WDFY4: variants seen among roughly 807,000 people sequenced by gnomAD.
The protein encoded by WDFY4 is WDFY family member 4.
Under a neutral mutation model 351.9 loss-of-function variants are expected in WDFY4, and 169 were observed. The ratio of observed to expected loss-of-function variants is 0.48; its 90% CI spans 0.42 to 0.55. The LOEUF is 0.55. WDFY4 is among the 20% of genes least tolerant of loss of function. The pLI is 0.00. For synonymous variants in WDFY4, 1,622 were observed against 1,574.6 expected (o/e 1.03, Z -0.71); for missense variants, 3,803 against 3,935.6 (o/e 0.97, Z 0.90).
chr10:48,942,959 C>T (rs1186529969), intron 48 of WDFY4, among the ~76,000 whole-genome samples: 4 of 152,208 alleles, frequency 2.6e-5, no homozygotes, highest in African/African-American at 7.2e-5. Flanking sequence ...GGCCCATCTG[C>T]TTATTTTCTA....
intron 56 of WDFY4, 142 bp downstream of exon 56, chr10:48,969,390 A>G: frequency 2.8e-6 from 3 of 1,084,228 alleles, no homozygotes; most frequent in Non-Finnish European, 3.9e-6. Context: ...TGGGCGGGAA[A>G]GGACTCAGTG....
intron 1 of WDFY4, among the ~76,000 whole-genome samples, chr10:48,693,009 C>A (rs2063236340): frequency 6.6e-6 from 1 of 152,010 alleles, no homozygotes; most frequent in African/African-American, 2.4e-5. Context: ...CATGTTTGGA[C>A]CGTGGTGCTG....
intron 12 of WDFY4, chr10:48,745,663 C>T (rs1283162961): frequency 8.7e-6 from 5 of 577,834 alleles, no homozygotes; most frequent in Non-Finnish European, 1.6e-5. Context: ...CTTCTCCTTC[C>T]TCTTCTCCTC....
At chr10:48,928,355 T>TG (rs1421322759) in intron 47 of WDFY4, among the ~76,000 whole-genome samples, 1 of 112,584 alleles carries the variant, frequency 8.9e-6, no homozygotes, top group Non-Finnish European at 1.8e-5. Context: ...GGTTTTGACG[T>TG]GTGTGTGTGT....
intron 57 of WDFY4, among the ~76,000 whole-genome samples, chr10:48,973,124 T>G (rs1489150549): frequency 6.6e-6 from 1 of 152,134 alleles, no homozygotes; most frequent in Admixed American, 6.5e-5. Context: ...GTTCCACTGG[T>G]AAACAACACG....
chr10:48,823,566 A>C, intron 35 of WDFY4: 4 of 1,069,712 alleles, frequency 3.7e-6, no homozygotes, highest in Non-Finnish European at 4.6e-6. Context: ...AAAGACTTGA[A>C]TTCAAAGGCT....
chr10:48,817,325 C>A lies in WDFY4; in HGVS notation c.5421C>A (p.Arg1807=). The A allele has an allele frequency of 6.4e-7, 1 of 1,551,692 alleles. No homozygotes were observed. The highest frequency in any genetic ancestry group is 8.7e-7 in the Non-Finnish European group (1 of 1,146,964). ...TGCAGTTCCTCAGCCTCGTCCACCGCACCTACCCCCAGGACCCAGCGTGGC... is the reference window on the plus strand; with the variant it reads ...TGCAGTTCCTCAGCCTCGTCCACCGAACCTACCCCCAGGACCCAGCGTGGC... ...SVLQFLSLVH[R]TYPQDPAWRA... Residue 1807 remains arginine (R), a synonymous_variant, in exon 32 of 62, where the codon CGC becomes CGA. Coordinates refer to ENST00000325239, the MANE Select transcript of WDFY4 (RefSeq NM_001394531.1).
At chr10:48,867,171 A>AAAAATAAATAAAATAAAATAAAAT (rs2069575689) in intron 39 of WDFY4, 94 bp from the exon 40 acceptor site, 1 of 347,594 alleles carries the variant, frequency 2.9e-6, no homozygotes, top group African/African-American at 2.7e-5. Flanking sequence ...CTGTGTCTCA[A>AAAAATAAATAAAATAAAATAAAAT]AAAATAAAAT....
intron 47 of WDFY4, among the ~76,000 whole-genome samples, chr10:48,922,564 C>T (rs897273685): frequency 1.5e-4 from 23 of 152,262 alleles, no homozygotes; most frequent in South Asian, 4.2e-4. Context: ...TCATCTCTTA[C>T]GGTGCCTAAC....
chr10:48,784,776 G>A (rs369207534), intron 19 of WDFY4, among the ~76,000 whole-genome samples: 37 of 149,328 alleles, frequency 2.5e-4, no homozygotes, highest in African/African-American at 7.9e-4. Context: ...TCCTGACCTC[G>A]TGATCTGCCC....
rs888152358 is a variant in WDFY4 at position 48,946,955 on chromosome 10, T to C, written c.7963T>C (p.Phe2655Leu). 13 of 1,550,614 alleles carry C rather than the reference T, an allele frequency of 8.4e-6. No individual in the cohort carries two copies. Among genetic ancestry groups the C allele is most frequent in the East Asian group, 2.4e-5 (1 of 40,898 alleles). Residue 2655 changes from phenylalanine (F) to leucine (L), a missense_variant, in exon 51 of 62, where the codon TTC becomes CTC. This residue lies in a region of WDFY4 where 3,054 missense variants were observed against 3,148.6 expected (regional missense o/e 0.97). Transcript: ENST00000325239. Reference sequence around the variant, plus strand: ...CCGGATGCCACCCTTCACCCAGGCCTTCTGCGCTCTGCAGGTGAGCTGCTG... The same window carrying C: ...CCGGATGCCACCCTTCACCCAGGCCCTCTGCGCTCTGCAGGTGAGCTGCTG... ...LVRMPPFTQA[F>L]CALQGGSFDV...
chr10:48,949,424 G>C (rs1420812416), intron 51 of WDFY4, among the ~76,000 whole-genome samples: 1 of 152,246 alleles, frequency 6.6e-6, no homozygotes, highest in East Asian at 1.9e-4. Flanking sequence ...TCCTCTTTGA[G>C]AGTGCTGGGG....
intron 23 of WDFY4, among the ~76,000 whole-genome samples, chr10:48,793,607 G>T (rs370788410): frequency 6.6e-6 from 1 of 152,036 alleles, no homozygotes; most frequent in Non-Finnish European, 1.5e-5. Context: ...GTGCATTTGC[G>T]TGATGTCTGC....
At chr10:48,799,604 C>G (rs1238577811) in intron 24 of WDFY4, among the ~76,000 whole-genome samples, 1 of 152,098 alleles carries the variant, frequency 6.6e-6, no homozygotes, top group African/African-American at 2.4e-5. Context: ...GAAACCCTGT[C>G]TCTACTAAAA....
rs916743760 is a variant in WDFY4 at position 48,731,122 on chromosome 10, A to G, written c.1142A>G (p.Lys381Arg). ...FHHEASGVTV[K>R]NLQAFQVLQN... is the part of the protein sequence containing the mutation. ...TTTTCCTCCTCAGGGGTGACTGTTA[A>G]GAATCTTCAGGCCTTCCAGGTCCTA... Residue 381 changes from lysine (K) to arginine (R), a missense_variant, in exon 9 of 62, where the codon AAG (lysine) becomes AGG (arginine). This residue lies in a region of WDFY4 where 488 missense variants were observed against 456.8 expected (regional missense o/e 1.07). Transcript: ENST00000325239. The G allele has an allele frequency of 3.2e-6, 5 of 1,543,918 alleles. No homozygotes were observed. Among genetic ancestry groups the G allele is most frequent in the Non-Finnish European group, 4.4e-6 (5 of 1,141,692 alleles).
chr10:48,767,700 G>A (rs982545536), intron 13 of WDFY4, among the ~76,000 whole-genome samples: 2 of 152,236 alleles, frequency 1.3e-5, no homozygotes, highest in Non-Finnish European at 2.9e-5. Flanking sequence ...GAGACAATGA[G>A]GCCTGTGCCA....
chr10:48,966,950 G>A (rs773650545), intron 55 of WDFY4: 16 of 429,304 alleles, frequency 3.7e-5, no homozygotes, highest in Non-Finnish European at 5.8e-5. Flanking sequence ...CCTCTTTCAG[G>A]CACACACACA....
intron 21 of WDFY4, 91 bp downstream of exon 21, chr10:48,788,766 G>A: frequency 6.8e-7 from 1 of 1,479,176 alleles, no homozygotes; most frequent in Non-Finnish European, 9.1e-7. Flanking sequence ...ACTATTTCAT[G>A]TTTGCACTTG....
chr10:48,843,488 A>G (rs888026742), intron 39 of WDFY4, among the ~76,000 whole-genome samples: 5 of 152,196 alleles, frequency 3.3e-5, no homozygotes, highest in African/African-American at 1.2e-4. Flanking sequence ...AGGAGTCCTT[A>G]TAGTCTGCTT....
Sources: gnomAD v4.1 joint callset for allele counts (sites outside exome capture counted in the v4.1 genomes callset) on GRCh38, gnomAD v4.1.1 for gene constraint, gnomAD v4.1.1 regional missense constraint, MANE v1.5 for transcripts, NCBI Gene and HGNC (gene_info 2026-07-23, HGNC 2026-07-21) for gene names.